Variants in ZNF804B observed in about 807,000 individuals in gnomAD.
The protein encoded by ZNF804B is zinc finger 804B.
A neutral mutation model predicts 101.4 loss-of-function variants in ZNF804B; 80 were observed. That is an observed-to-expected ratio of 0.79 (90% CI 0.66 to 0.95). ZNF804B has a LOEUF of 0.95. ZNF804B is among the 40% of genes least tolerant of loss of function. The probability of loss-of-function intolerance (pLI) is 0.00; values close to 1 mark genes in which losing one functional copy is unlikely to be tolerated. For missense variants in ZNF804B, 1,673 were observed against 1,561.9 expected, an observed-to-expected ratio of 1.07 and a Z score of -1.20; for synonymous variants, 622 against 558.8, an observed-to-expected ratio of 1.11 and a Z score of -1.59.
intron 1 of ZNF804B, among the ~76,000 whole-genome samples, chr7:88,837,241 A>G (rs570615119): frequency 7.2e-5 from 11 of 152,064 alleles, no homozygotes; most frequent in African/African-American, 2.6e-4. Context: ...CATTTACTTT[A>G]AAATGAAAGA....
At chr7:89,054,515 A>G (rs1242204047) in intron 1 of ZNF804B, among the ~76,000 whole-genome samples, 2 of 151,918 alleles carry the variant, frequency 1.3e-5, no homozygotes, top group Non-Finnish European at 2.9e-5. Flanking sequence ...TGCTCAGACC[A>G]TACCACTTCT....
intron 1 of ZNF804B, among the ~76,000 whole-genome samples, chr7:88,927,638 C>T (rs1792826379): frequency 6.6e-6 from 1 of 152,080 alleles, no homozygotes; most frequent in Admixed American, 6.5e-5. Flanking sequence ...CTCTTGCTCT[C>T]TCTCTCTCTC....
chr7:88,771,752 T>C (rs1208468528), intron 1 of ZNF804B, among the ~76,000 whole-genome samples: 2 of 152,190 alleles, frequency 1.3e-5, no homozygotes, highest in African/African-American at 2.4e-5. Context: ...TTTTCCTTAA[T>C]ATTACATGCC....
intron 2 of ZNF804B, among the ~76,000 whole-genome samples, chr7:89,237,714 G>A (rs1176379649): frequency 1.3e-5 from 2 of 152,128 alleles, no homozygotes. Flanking sequence ...CTGGACCATA[G>A]GAACTGCCTG....
chr7:88,985,394 C>T (rs1793744978), intron 1 of ZNF804B, among the ~76,000 whole-genome samples: 1 of 151,722 alleles, frequency 6.6e-6, no homozygotes, highest in Non-Finnish European at 1.5e-5. Flanking sequence ...AAGGCACTAC[C>T]CTATCACATT....
At chr7:89,242,035 GC>G (rs1789380112) in intron 2 of ZNF804B, among the ~76,000 whole-genome samples, 1 of 151,288 alleles carries the variant, frequency 6.6e-6, no homozygotes. Context: ...ATCCTCCAAA[GC>G]TTTTAGTTAC....
chr7:88,764,965 A>C (rs534634525), intron 1 of ZNF804B, among the ~76,000 whole-genome samples: 1 of 152,236 alleles, frequency 6.6e-6, no homozygotes, highest in African/African-American at 2.4e-5. Flanking sequence ...GTATCATATA[A>C]AGCAACCTCC....
chr7:89,289,955 C>T (rs939534386), intron 2 of ZNF804B, among the ~76,000 whole-genome samples: 3 of 152,150 alleles, frequency 2.0e-5, no homozygotes, highest in African/African-American at 7.2e-5. Context: ...GAGATTTCTT[C>T]CTTTCACTTG....
chr7:88,895,171 T>C (rs1792267720), intron 1 of ZNF804B, among the ~76,000 whole-genome samples: 1 of 152,212 alleles, frequency 6.6e-6, no homozygotes, highest in Non-Finnish European at 1.5e-5. Context: ...AAAGAAACTG[T>C]ATATAACTAC....
rs1025229509 is a variant in ZNF804B at position 88,813,588 on chromosome 7, G to A, written c.108+53504G>A. Reference sequence around the variant, plus strand: ...TGTTTTTGATATAAACTCTTTTCTCGCTACTAATATATGAGATCCATATTA... The same window carrying A: ...TGTTTTTGATATAAACTCTTTTCTCACTACTAATATATGAGATCCATATTA... On this transcript the variant is annotated intron_variant, in intron 1 of 3. Coordinates refer to ENST00000333190, the MANE Select transcript of ZNF804B (RefSeq NM_181646.5). Among the ~76,000 whole-genome samples, 3 of 151,676 alleles carry A rather than the reference G, an allele frequency of 2.0e-5. 1 individual carries two copies. The highest frequency in any genetic ancestry group is 4.2e-4 in the South Asian group (2 of 4,812).
intron 1 of ZNF804B, among the ~76,000 whole-genome samples, chr7:89,144,334 A>G (rs1790759127): frequency 1.3e-5 from 2 of 152,060 alleles, no homozygotes; most frequent in Non-Finnish European, 1.5e-5. Context: ...TTTTAAAGTA[A>G]TGAGTAGGTG....
chr7:88,996,986 A>ATG (rs540244100), intron 1 of ZNF804B, among the ~76,000 whole-genome samples: 3 of 151,956 alleles, frequency 2.0e-5, no homozygotes, highest in East Asian at 1.9e-4. Flanking sequence ...GAGTATGTGT[A>ATG]TGTGTGTGTG....
chr7:89,035,022 C>T (rs1181386541), intron 1 of ZNF804B, among the ~76,000 whole-genome samples: 4 of 152,138 alleles, frequency 2.6e-5, no homozygotes, highest in Non-Finnish European at 5.9e-5. Context: ...TGCACATTCA[C>T]ATATCACCAT....
chr7:89,072,875 T>TCA (rs1379743887), intron 1 of ZNF804B, among the ~76,000 whole-genome samples: 2 of 152,066 alleles, frequency 1.3e-5, no homozygotes, highest in African/African-American at 4.8e-5. Context: ...AAACTATATA[T>TCA]CATAAAGATA....
At chr7:88,886,297 G>A (rs1792126613) in intron 1 of ZNF804B, among the ~76,000 whole-genome samples, 1 of 146,338 alleles carries the variant, frequency 6.8e-6, no homozygotes, top group Non-Finnish European at 1.6e-5. Flanking sequence ...AGGTGTTGAT[G>A]TCTACTTGAC....
chr7:89,261,251 G>A (rs1473368121), intron 2 of ZNF804B, among the ~76,000 whole-genome samples: 2 of 152,054 alleles, frequency 1.3e-5, no homozygotes, highest in Admixed American at 1.3e-4. Context: ...TATAAGTTTT[G>A]ATAAATTTTA....
chr7:89,165,536 G>T (rs374479295), intron 1 of ZNF804B, among the ~76,000 whole-genome samples: 2 of 152,046 alleles, frequency 1.3e-5, no homozygotes, highest in African/African-American at 4.8e-5. Flanking sequence ...TTTTTTGGAA[G>T]GCAGAATCCC....
chr7:88,798,607 C>T (rs1289266570), intron 1 of ZNF804B, among the ~76,000 whole-genome samples: 1 of 151,960 alleles, frequency 6.6e-6, no homozygotes, highest in Non-Finnish European at 1.5e-5. Flanking sequence ...AAAATTTTAG[C>T]TTCATTGTCA....
chr7:89,020,860 A>C (rs1410037149), intron 1 of ZNF804B, among the ~76,000 whole-genome samples: 2 of 152,296 alleles, frequency 1.3e-5, no homozygotes, highest in East Asian at 3.9e-4. Context: ...CTTTCAAAAC[A>C]TGAATTGTTT....
Sources: gnomAD v4.1 joint callset for allele counts (sites outside exome capture counted in the v4.1 genomes callset) on GRCh38, gnomAD v4.1.1 for gene constraint, MANE v1.5 for transcripts, NCBI Gene and HGNC (gene_info 2026-07-23, HGNC 2026-07-21) for gene names.